PLA2G4E: variants seen among roughly 807,000 people sequenced by gnomAD.
PLA2G4E encodes the protein cytosolic phospholipase A2 epsilon.
In PLA2G4E, 84 loss-of-function variants were observed where a neutral mutation model predicts 109.1. The observed-to-expected ratio is 0.77, with a 90% CI of 0.65 to 0.92. PLA2G4E has a LOEUF of 0.92. Among genes scored for constraint, PLA2G4E ranks in the 40% least tolerant of loss-of-function variants. The probability of loss-of-function intolerance (pLI) is 0.00; values close to 1 mark genes in which losing one functional copy is unlikely to be tolerated. For synonymous variants in PLA2G4E, 469 were observed against 436.1 expected (o/e 1.08, Z -0.94); for missense variants, 1,057 against 1,076.6 (o/e 0.98, Z 0.25).
chr15:42,043,102 C>G (rs1294742890), intron 1 of PLA2G4E, among the ~76,000 whole-genome samples: 1 of 152,186 alleles, frequency 6.6e-6, no homozygotes, highest in African/African-American at 2.4e-5. Flanking sequence ...GACTCCTACA[C>G]TGGGCAAGCG....
At chr15:42,027,616 C>T (rs768986529) in intron 1 of PLA2G4E, among the ~76,000 whole-genome samples, 20 of 152,170 alleles carry the variant, frequency 1.3e-4, no homozygotes, top group Admixed American at 9.2e-4. Flanking sequence ...CGTGACTGGC[C>T]GGATTCAAGC....
intron 1 of PLA2G4E, among the ~76,000 whole-genome samples, chr15:42,033,771 C>T (rs922563678): frequency 6.6e-6 from 1 of 152,156 alleles, no homozygotes. Flanking sequence ...GCTGCCGCCC[C>T]GCAGCCTGTG....
chr15:42,030,830 C>A (rs1889099692), intron 1 of PLA2G4E, among the ~76,000 whole-genome samples: 1 of 152,214 alleles, frequency 6.6e-6, no homozygotes, highest in South Asian at 2.1e-4. Flanking sequence ...TGGCCCCTTT[C>A]ATTTAGCATA....
chr15:42,024,074 G>A (rs1402336496), intron 1 of PLA2G4E, among the ~76,000 whole-genome samples: 1 of 152,154 alleles, frequency 6.6e-6, no homozygotes. Context: ...ATCTAGAAAG[G>A]GGAGGAAAGG....
intron 16 of PLA2G4E, 147 bp downstream of exon 16, chr15:41,987,902 C>T: frequency 1.7e-6 from 1 of 579,780 alleles, no homozygotes; most frequent in Non-Finnish European, 3.2e-6. Context: ...GGCCGCCCCC[C>T]ATCACCCAGC....
intron 18 of PLA2G4E, among the ~76,000 whole-genome samples, chr15:41,985,261 T>TA (rs1237027414): frequency 6.6e-6 from 1 of 152,210 alleles, no homozygotes; most frequent in Non-Finnish European, 1.5e-5. Context: ...TTTACAAACT[T>TA]AGATTGTTTT....
At chr15:42,001,198 T>C (rs369329723) in exon 7 of PLA2G4E, 21 of 1,613,558 alleles carry the variant, frequency 1.3e-5, no homozygotes, top group Middle Eastern at 1.6e-4. Flanking sequence ...TGCATGAACC[T>C]CCAGGCAGGA....
intron 1 of PLA2G4E, among the ~76,000 whole-genome samples, chr15:42,037,029 C>T (rs911905214): frequency 6.6e-6 from 1 of 152,226 alleles, no homozygotes. Context: ...GTATGCCAGC[C>T]CCCTGCCGCT....
intron 11 of PLA2G4E, 74 bp downstream of exon 11, chr15:41,997,050 C>A (rs2141037408): frequency 6.9e-7 from 1 of 1,453,440 alleles, no homozygotes; most frequent in East Asian, 2.6e-5. Flanking sequence ...TAGGGCAGGG[C>A]CTGGGTTGGC....
intron 1 of PLA2G4E, among the ~76,000 whole-genome samples, chr15:42,044,640 G>C (rs541641461): frequency 1.5e-5 from 2 of 137,064 alleles, no homozygotes; most frequent in African/African-American, 2.8e-5. Context: ...GTTGTGGGAT[G>C]GGGGGAGGGG....
intron 1 of PLA2G4E, among the ~76,000 whole-genome samples, chr15:42,017,100 G>A (rs2068602721): frequency 6.6e-6 from 1 of 152,216 alleles, no homozygotes; most frequent in African/African-American, 2.4e-5. Flanking sequence ...TCCAAGCTGT[G>A]GAGGCTTCAG....
intron 13 of PLA2G4E, among the ~76,000 whole-genome samples, chr15:41,991,206 G>C (rs552615931): frequency 1.3e-5 from 2 of 152,250 alleles, no homozygotes; most frequent in East Asian, 3.9e-4. Flanking sequence ...CAAGAGCAGA[G>C]GCCTCTCAAC....
chr15:41,989,926 A>G (rs1376136809), intron 14 of PLA2G4E, among the ~76,000 whole-genome samples, 195 bp downstream of exon 14: 1 of 152,210 alleles, frequency 6.6e-6, no homozygotes, highest in African/African-American at 2.4e-5. Flanking sequence ...AGCTGCAGAC[A>G]GTGCCTGCCG....
At chr15:42,016,715 TCTC>T (rs1566845551) in intron 1 of PLA2G4E, among the ~76,000 whole-genome samples, 2 of 152,130 alleles carry the variant, frequency 1.3e-5, no homozygotes, top group Admixed American at 6.5e-5. Flanking sequence ...TAAGGTCTCT[TCTC>T]CTCTCCTGAA....
At chr15:42,001,068 G>T (rs940043263) in intron 7 of PLA2G4E, 89 bp downstream of exon 7, 6 of 1,335,976 alleles carry the variant, frequency 4.5e-6, no homozygotes, top group Non-Finnish European at 6.4e-6. Context: ...GCCCAGGGAA[G>T]CCCTGGACTA....
chr15:42,025,427 A>T (rs969161210), intron 1 of PLA2G4E, among the ~76,000 whole-genome samples: 1 of 152,048 alleles, frequency 6.6e-6, no homozygotes. Flanking sequence ...TGTTGTGCTT[A>T]TCTGGGAGGG....
chr15:42,012,923 C>T (rs986748023), intron 2 of PLA2G4E, among the ~76,000 whole-genome samples: 2 of 152,208 alleles, frequency 1.3e-5, no homozygotes, highest in African/African-American at 4.8e-5. Context: ...GGCCAACTTC[C>T]CCTCTGGATG....
rs531032038 is a variant in PLA2G4E, at chr15:42,012,056, C to T, written c.256+1629G>A. On this transcript the variant is annotated intron_variant, in intron 2 of 19. Coordinates refer to ENST00000399518, the Ensembl canonical transcript of PLA2G4E. ...CAAACTGGAGGCTACTGGAGCCACT[C>T]CTGCTGGCGCAGGCTCTGGACACAT... 4.6e-5 allele frequency among the ~76,000 whole-genome samples: 7 copies of T among 152,326 alleles called. No individual in the cohort carries two copies. In the South Asian group the frequency reaches 1.5e-3, roughly 32 times the overall value.
exon 20 of PLA2G4E, chr15:41,983,259 G>A (rs572036735): frequency 9.1e-4 from 144 of 158,954 alleles, no homozygotes; most frequent in Non-Finnish European, 1.0e-3. Context: ...GTGAGACTCC[G>A]TCTAAAAAAA....
Sources: allele counts gnomAD v4.1 joint callset (sites outside exome capture counted in the v4.1 genomes callset), GRCh38; gene constraint gnomAD v4.1.1; transcripts MANE v1.5; gene names NCBI Gene and HGNC (gene_info 2026-07-23, HGNC 2026-07-21).